The following DLGAP3 variants were observed in gnomAD, a reference collection of about 807,000 sequenced individuals.
The protein encoded by DLGAP3 is DLG associated protein 3.
In DLGAP3, 17 loss-of-function variants were observed where a neutral mutation model predicts 81.2. That is an observed-to-expected ratio of 0.21 (90% CI 0.14 to 0.31). The LOEUF is 0.31. Among genes scored for constraint, DLGAP3 ranks in the 10% least tolerant of loss-of-function variants. The pLI is 1.00. For synonymous variants in DLGAP3, 577 were observed against 587.4 expected, an observed-to-expected ratio of 0.98 and a Z score of 0.26; for missense variants, 1,124 against 1,388.0, an observed-to-expected ratio of 0.81 and a Z score of 3.02.
rs948505879 is a variant in DLGAP3 at position 34,902,140 on chromosome 1, A to G, written c.1108-1867T>C. Among the ~76,000 whole-genome samples, 6 of 152,042 alleles carry G rather than the reference A, an allele frequency of 3.9e-5. No homozygotes were observed. The highest frequency in any genetic ancestry group is 7.4e-5 in the Non-Finnish European group (5 of 68,000). ...GCCTACACTTCGGAAAATGAGGTGT[A>G]AGTGAAGACGTGGGGGAGAGGACTG... On this transcript the variant is annotated intron_variant, in intron 3 of 11. Coordinates refer to ENST00000373347, the MANE Select transcript of DLGAP3 (RefSeq NM_001080418.3). The surrounding 1 kb of genome is among the most constrained non-coding windows in gnomAD (Gnocchi z 4.4).
At chr1:34,881,806 G>T (rs1014788339) in intron 8 of DLGAP3, among the ~76,000 whole-genome samples, 3 of 151,976 alleles carry the variant, frequency 2.0e-5, no homozygotes, top group African/African-American at 4.8e-5. Context: ...TAGATTCTGA[G>T]AAAACATTCA....
At chr1:34,921,252 C>A (rs568235438) in intron 1 of DLGAP3, among the ~76,000 whole-genome samples, 2 of 152,196 alleles carry the variant, frequency 1.3e-5, no homozygotes, top group African/African-American at 4.8e-5. Flanking sequence ...GGCAAGACCT[C>A]ATTTTCCTCT....
In DLGAP3 at chr1:34,866,236, C is replaced by T. The variant is rs994167462; in HGVS notation, c.2787G>A (p.Lys929=). 1 of 1,578,986 alleles carries T rather than the reference C, an allele frequency of 6.3e-7. No homozygotes were observed. Among genetic ancestry groups the T allele is most frequent in the Admixed American group, 1.8e-5 (1 of 56,510 alleles). ...GGTCCACGGAGTCCAGGGAGCGCTC[C>T]TTCACCGGCACGCCCCGGCCCCGCA... The part of the protein sequence containing the change: ...KPLRGRGVPV[K]ERSLDSVDRQ... Residue 929 remains lysine, a synonymous_variant, in exon 12 of 12, where the codon AAG becomes AAA. Coordinates refer to ENST00000373347, the MANE Select transcript of DLGAP3 (RefSeq NM_001080418.3).
At chr1:34,885,940 G>A in intron 6 of DLGAP3, 132 bp downstream of exon 6, 1 of 1,157,960 alleles carries the variant, frequency 8.6e-7, no homozygotes, top group Non-Finnish European at 1.2e-6. Context: ...GCCAACGGAC[G>A]CTCTCCCCGT....
chr1:34,890,090 T>C (rs944935105), intron 5 of DLGAP3, among the ~76,000 whole-genome samples: 4 of 152,152 alleles, frequency 2.6e-5, no homozygotes, highest in African/African-American at 9.7e-5. Flanking sequence ...GAAGCTGGTC[T>C]GAAGTACAGG....
rs1468457841 is a variant in DLGAP3, at chr1:34,895,852, A to T, written c.1386+3817T>A. ...GACATAAAAGCCTTTTCAACAAATG[A>T]TGCTGGGAAAATTGGATATCCGCAT... On this transcript the variant is annotated intron_variant, in intron 5 of 11. Transcript: ENST00000373347. The surrounding 1 kb of genome is among the most constrained non-coding windows in gnomAD (Gnocchi z 4.5). Among the ~76,000 whole-genome samples, 1 of 151,910 alleles carries T rather than the reference A, an allele frequency of 6.6e-6. No individual in the cohort carries two copies. Among genetic ancestry groups the T allele is most frequent in the Non-Finnish European group, 1.5e-5 (1 of 67,984 alleles).
intron 8 of DLGAP3, among the ~76,000 whole-genome samples, chr1:34,874,045 T>G (rs1569598560): frequency 6.6e-6 from 1 of 152,354 alleles, no homozygotes; most frequent in East Asian, 1.9e-4. Context: ...AAGTGGCATG[T>G]GCAACTTCCA....
intron 1 of DLGAP3, among the ~76,000 whole-genome samples, chr1:34,909,513 T>A (rs1639608746): frequency 1.3e-5 from 2 of 152,188 alleles, no homozygotes; most frequent in African/African-American, 4.8e-5. Flanking sequence ...TCTTACAAAC[T>A]CTAAAACATT....
At chr1:34,886,335 G>T in intron 5 of DLGAP3, 50 bp from the exon 6 acceptor site, 3 of 1,497,456 alleles carry the variant, frequency 2.0e-6, no homozygotes, top group Non-Finnish European at 2.7e-6. Flanking sequence ...GGGAGGGGGT[G>T]GAAGTCCCTG....
intron 1 of DLGAP3, among the ~76,000 whole-genome samples, chr1:34,917,458 C>T (rs569365314): frequency 5.9e-5 from 9 of 151,992 alleles, no homozygotes; most frequent in African/African-American, 1.9e-4. Context: ...AGCAATCCTC[C>T]TGCCTCAGCC....
intron 1 of DLGAP3, among the ~76,000 whole-genome samples, chr1:34,924,822 T>A (rs1391259619): frequency 2.0e-5 from 3 of 152,158 alleles, no homozygotes; most frequent in African/African-American, 7.2e-5. Flanking sequence ...TAAATACCAC[T>A]AACAACTGTG....
intron 4 of DLGAP3, 104 bp from the exon 5 acceptor site, chr1:34,899,845 C>A: frequency 8.7e-7 from 1 of 1,148,598 alleles, no homozygotes; most frequent in Non-Finnish European, 1.3e-6. Flanking sequence ...TTCCTCAGAA[C>A]CCCCAAAGAG....
chr1:34,919,138 T>C (rs1557504441), intron 1 of DLGAP3, among the ~76,000 whole-genome samples: 1 of 151,984 alleles, frequency 6.6e-6, no homozygotes, highest in Non-Finnish European at 1.5e-5. Flanking sequence ...CTAGCCCAGA[T>C]GAGAGAGGAG....
At chr1:34,899,126 G>A (rs1373680380) in intron 5 of DLGAP3, among the ~76,000 whole-genome samples, 3 of 147,306 alleles carry the variant, frequency 2.0e-5, no homozygotes, top group South Asian at 4.3e-4. Context: ...GCCTCACTGT[G>A]TCGCCCAGGC....
intron 2 of DLGAP3, 33 bp from the exon 3 acceptor site, chr1:34,905,467 G>A: frequency 1.4e-6 from 2 of 1,418,846 alleles, no homozygotes; most frequent in Non-Finnish European, 1.9e-6. Flanking sequence ...TATTTGAATT[G>A]AACAGCCCTC....
intron 2 of DLGAP3, among the ~76,000 whole-genome samples, chr1:34,905,983 C>A (rs1255866640): frequency 1.2e-5 from 1 of 81,898 alleles, no homozygotes; most frequent in Non-Finnish European, 2.7e-5. Flanking sequence ...TGCACTCCAG[C>A]CCAGGCAACA....
At chr1:34,908,771 C>T (rs545565127) in intron 1 of DLGAP3, among the ~76,000 whole-genome samples, 34 of 152,294 alleles carry the variant, frequency 2.2e-4, no homozygotes, top group Admixed American at 6.5e-4. Flanking sequence ...CAGCCCCTGG[C>T]CCACCCTGGA....
In DLGAP3 at chr1:34,919,560, C is replaced by G. The variant is rs57913332; in HGVS notation, c.-135+9891G>C. Among the ~76,000 whole-genome samples the G allele has an allele frequency of 5.5e-3, 839 of 152,258 alleles. 13 individuals are homozygous for G. The highest frequency in any genetic ancestry group is 0.019 in the African/African-American group (784 of 41,562). ...TTGGGAGGCCGAGGTGGGCGGATCA[C>G]TTGAGGTCAGGAGTTCGAGACCAGC... On this transcript the variant is annotated intron_variant, in intron 1 of 11. Transcript: ENST00000373347.
At position 34,914,336 on chromosome 1, in the gene DLGAP3, T is replaced by C. The variant is rs577182521; in HGVS notation, c.-134-6899A>G. Among the ~76,000 whole-genome samples the C allele has an allele frequency of 4.6e-5, 7 of 152,322 alleles. No homozygotes were observed. In the South Asian group the frequency reaches 1.4e-3, roughly 32 times the overall value. On this transcript the variant is annotated intron_variant, in intron 1 of 11. Coordinates refer to ENST00000373347, the MANE Select transcript of DLGAP3 (RefSeq NM_001080418.3). The stretch of plus-strand genomic sequence containing the variant: ...CTTCCTTTTCTGTCAACTGAACCAA[T>C]TCTTAGGCTGTGCTGCCTTATCATT...
Sources: allele counts gnomAD v4.1 joint callset (sites outside exome capture counted in the v4.1 genomes callset), GRCh38; gene constraint gnomAD v4.1.1; non-coding constraint Gnocchi (gnomAD v3.1); transcripts MANE v1.5; gene names NCBI Gene and HGNC (gene_info 2026-07-23, HGNC 2026-07-21).